The following MMP28 variants were observed in gnomAD, a reference collection of about 807,000 sequenced individuals.
MMP28 encodes the protein matrix metalloproteinase-28.
In MMP28, 55 loss-of-function variants were observed where a neutral mutation model predicts 60.5. That is an observed-to-expected ratio of 0.91 (90% CI 0.73 to 1.14). MMP28 has a LOEUF of 1.14. MMP28 is among the 50% of genes most tolerant of loss of function. The probability of loss-of-function intolerance (pLI) is 0.00; values close to 1 mark genes in which losing one functional copy is unlikely to be tolerated. For synonymous variants in MMP28, 318 were observed against 312.5 expected, an observed-to-expected ratio of 1.02 and a Z score of -0.18; for missense variants, 686 against 738.3, an observed-to-expected ratio of 0.93 and a Z score of 0.82.
intron 2 of MMP28, among the ~76,000 whole-genome samples, chr17:35,760,102 T>C (rs1555601247): frequency 6.6e-6 from 1 of 152,158 alleles, no homozygotes; most frequent in Non-Finnish European, 1.5e-5. Context: ...AGGGACTCCA[T>C]TGCCCTCCAC....
chr17:35,759,712 C>T (rs1480360738), intron 2 of MMP28, among the ~76,000 whole-genome samples: 2 of 150,068 alleles, frequency 1.3e-5, no homozygotes, highest in Admixed American at 6.7e-5. Context: ...CCCCCCACCG[C>T]CCCCCCAAAA....
downstream of MMP28, chr17:35,765,828 C>T: frequency 1.0e-6 from 1 of 985,236 alleles, no homozygotes; most frequent in Non-Finnish European, 1.2e-6. Flanking sequence ...CCTGCTCTCA[C>T]AGCAAAGGAT....
At chr17:35,767,082 A>G (rs1047281497) in intron 7 of MMP28, 188 bp from the exon 8 acceptor site, 1 of 721,534 alleles carries the variant, frequency 1.4e-6, no homozygotes, top group Non-Finnish European at 2.5e-6. Flanking sequence ...AACTCCTATT[A>G]TTTATTGTCT....
At chr17:35,760,828 C>A in intron 2 of MMP28, 1 of 1,291,966 alleles carries the variant, frequency 7.7e-7, no homozygotes, top group Non-Finnish European at 1.1e-6. Context: ...GTTCTAGCCC[C>A]ACCCCTTGTG....
chr17:35,763,956 G>T (rs2085878513), downstream of MMP28: 1 of 1,325,442 alleles, frequency 7.5e-7, no homozygotes, highest in African/African-American at 1.7e-5. Flanking sequence ...AATTATTCTG[G>T]ACCCTTTCTC....
In MMP28 at chr17:35,778,830, G is replaced by C. The variant is rs1008964040; in HGVS notation, c.379+58C>G. On this transcript the variant is annotated intron_variant, in intron 3 of 7. Coordinates refer to ENST00000605424, the MANE Select transcript of MMP28 (RefSeq NM_024302.5). The stretch of plus-strand genomic sequence containing the variant: ...AGTCCCAGGCTCAGCTGTTTTCCTA[G>C]CCATTGGCTTCAAGACATTGGGAAA... 1.9e-6 allele frequency: 3 copies of C among 1,613,648 alleles called. No individual in the cohort carries two copies. The African/African-American group carries it at 4.0e-5, about 22-fold the overall frequency.
In MMP28 at chr17:35,766,634, TGGA is replaced by T. The variant is rs1555603320; in HGVS notation, c.1426_1428del (p.Ser476del). ...TAGCGGTCATCTCGGAAGAAGATGA[TGGA>T]GCCATCGGGCCTCGGCAGGGCGCCG... On this transcript the variant is annotated inframe_deletion, in exon 8 of 8. Coordinates refer to ENST00000605424, the MANE Select transcript of MMP28 (RefSeq NM_024302.5). This position sits in a 1 kb window ranked among gnomAD's most constrained non-coding sequence, Gnocchi z 4.3. 1 of 1,612,582 alleles carries T rather than the reference TGGA, an allele frequency of 6.2e-7. No individual in the cohort carries two copies. The highest frequency in any genetic ancestry group is 8.5e-7 in the Non-Finnish European group (1 of 1,179,650).
chr17:35,756,882 T>C (rs1176985656), intron 2 of MMP28, among the ~76,000 whole-genome samples: 2 of 152,022 alleles, frequency 1.3e-5, no homozygotes, highest in Non-Finnish European at 2.9e-5. Context: ...AGGGAAGAAG[T>C]ATTTTCCTCC....
Position 35,773,244 on chromosome 17 carries a change from G to A in MMP28, c.540C>T (p.Asp180=). The A allele has an allele frequency of 6.2e-7, 1 of 1,614,070 alleles. No homozygotes were observed. Among genetic ancestry groups the A allele is most frequent in the South Asian group, 1.1e-5 (1 of 91,082 alleles). Residue 180 remains aspartate (D), a synonymous_variant, in exon 4 of 8, where the codon GAC becomes GAT. Coordinates refer to ENST00000605424, the MANE Select transcript of MMP28 (RefSeq NM_024302.5). ...CCCCTTGGAAGAAGGTGAGCCGGATGTCAGCGGGGCCTGTGGCTGGGGCCT... is the reference window on the plus strand; with the variant it reads ...CCCCTTGGAAGAAGGTGAGCCGGATATCAGCGGGGCCTGTGGCTGGGGCCT... ...FWEAPATGPA[D]IRLTFFQGDH...
intron 1 of MMP28, among the ~76,000 whole-genome samples, chr17:35,792,364 G>C (rs1323177747): frequency 6.6e-6 from 1 of 152,094 alleles, no homozygotes; most frequent in Non-Finnish European, 1.5e-5. Flanking sequence ...GCCCAAACTA[G>C]CCCACACGGA....
intron 3 of MMP28, among the ~76,000 whole-genome samples, chr17:35,776,328 C>T (rs902917617): frequency 4.0e-5 from 6 of 151,854 alleles, no homozygotes; most frequent in African/African-American, 1.5e-4. Flanking sequence ...CGTGCCACCA[C>T]ACCAGGCTAA....
chr17:35,758,617 G>A (rs181081531), intron 2 of MMP28, among the ~76,000 whole-genome samples: 2 of 151,966 alleles, frequency 1.3e-5, no homozygotes, highest in South Asian at 2.1e-4. Flanking sequence ...GCTTGAATCC[G>A]GGGGGCAGAG....
At chr17:35,769,282 T>TGTTAGTTACTTAGTTAGTTAGTTA (rs1344483708) in intron 5 of MMP28, among the ~76,000 whole-genome samples, 1 of 152,234 alleles carries the variant, frequency 6.6e-6, no homozygotes, top group Non-Finnish European at 1.5e-5. Flanking sequence ...AAATAGTAGC[T>TGTTAGTTACTTAGTTAGTTAGTTA]GTTAGTATTA....
chr17:35,768,676 G>A (rs532974108), intron 5 of MMP28, among the ~76,000 whole-genome samples: 5 of 152,298 alleles, frequency 3.3e-5, no homozygotes, highest in African/African-American at 1.2e-4. Context: ...CAGGCATGGT[G>A]GTGCACACGT....
In MMP28 at chr17:35,795,582, C is replaced by A. The variant is rs571969478; in HGVS notation, c.-205G>T. 1.3e-5 allele frequency: 5 copies of A among 387,632 alleles called. No individual in the cohort carries two copies. The highest frequency in any genetic ancestry group is 2.3e-5 in the Non-Finnish European group (5 of 220,034). The allele number at this position is 387,632 out of a possible 1,614,324, so 24.0% of individuals were successfully genotyped here. A position where few individuals can be genotyped will look rare whatever the true frequency, so the allele number is the denominator to read the frequency against. On this transcript the variant is annotated 5_prime_UTR_variant, in exon 1 of 8. Coordinates refer to ENST00000605424, the MANE Select transcript of MMP28 (RefSeq NM_024302.5). ...CCTTCGCCGGGAGCCGGCCAGACGT[C>A]GTCCAGCCCGGGCAGTGCCTGCCCG...
rs746875822 is a variant in MMP28 at position 35,773,185 on chromosome 17, C to T, written c.599G>A (p.Gly200Asp). Reference sequence around the variant, plus strand: ...GGGAGGCTTTGTGCCAGCACCTGGGCCATCAAAGGCATTGCCCAGCCCATC... The same window carrying T: ...GGGAGGCTTTGTGCCAGCACCTGGGTCATCAAAGGCATTGCCCAGCCCATC... Reference protein sequence around the residue: ...HNDGLGNAFDGPGGALAHAFL... With the variant: ...HNDGLGNAFDDPGGALAHAFL... Residue 200 changes from glycine to aspartate, a missense_variant, in exon 4 of 8, where the codon GGC becomes GAC. Coordinates refer to ENST00000605424, the MANE Select transcript of MMP28 (RefSeq NM_024302.5). The T allele has an allele frequency of 6.2e-7, 1 of 1,613,326 alleles. No individual in the cohort carries two copies. Among genetic ancestry groups the T allele is most frequent in the South Asian group, 1.1e-5 (1 of 91,020 alleles).
At chr17:35,795,194 G>A (rs113181227) in intron 1 of MMP28, 73 bp downstream of exon 1, 3 of 998,936 alleles carry the variant, frequency 3.0e-6, no homozygotes, top group Middle Eastern at 2.2e-4. Flanking sequence ...GGGGACTGCC[G>A]GGTGGCCTGA....
In MMP28 at chr17:35,766,790, G is replaced by A. The variant is rs1555603491; in HGVS notation, c.1273C>T (p.Pro425Ser). Residue 425 changes from proline to serine, a missense_variant, in exon 8 of 8, where the codon CCT (proline) becomes TCT (serine). Transcript: ENST00000605424. The surrounding 1 kb of genome is among the most constrained non-coding windows in gnomAD (Gnocchi z 4.3). ...PRHPDAALFF[P>S]PLRRLILFKG... is the part of the protein sequence containing the mutation. Reference sequence around the variant, plus strand: ...AAGAGGATGAGGCGGCGCAGAGGAGGGAAGAAGAGGGCGGCGTCAGGATGG... The same window carrying A: ...AAGAGGATGAGGCGGCGCAGAGGAGAGAAGAAGAGGGCGGCGTCAGGATGG... 6.4e-7 allele frequency: 1 copy of A among 1,573,866 alleles called. No individual in the cohort carries two copies. The highest frequency in any genetic ancestry group is 8.6e-7 in the Non-Finnish European group (1 of 1,160,542).
downstream of MMP28, chr17:35,760,925 G>A: frequency 6.2e-7 from 1 of 1,613,738 alleles, no homozygotes. Flanking sequence ...GGAAAGCAGG[G>A]CACAGCCTTG....
Sources: allele counts gnomAD v4.1 joint callset (sites outside exome capture counted in the v4.1 genomes callset), GRCh38; gene constraint gnomAD v4.1.1; non-coding constraint Gnocchi (gnomAD v3.1); transcripts MANE v1.5; gene names NCBI Gene and HGNC (gene_info 2026-07-23, HGNC 2026-07-21).